TRIM2: variants seen among roughly 807,000 people sequenced by gnomAD.
The protein encoded by TRIM2 is tripartite motif-containing protein 2.
A neutral mutation model predicts 75.2 loss-of-function variants in TRIM2; 20 were observed. That is an observed-to-expected ratio of 0.27 (90% CI 0.19 to 0.39). TRIM2 has a LOEUF of 0.39. Among genes scored for constraint, TRIM2 ranks in the 10% least tolerant of loss-of-function variants. The probability of loss-of-function intolerance (pLI) is 1.00; values close to 1 mark genes in which losing one functional copy is unlikely to be tolerated. For missense variants in TRIM2, 660 were observed against 990.8 expected (o/e 0.67, Z 4.48); for synonymous variants, 373 against 388.3 (o/e 0.96, Z 0.46).
rs147859999 is a variant in TRIM2, at chr4:153,295,907, G to C, written c.1381G>C (p.Val461Leu). ...TGATGTGTCTCCCACCACAGAAGGCGTGAAGAGGCGCGTTAAGTCCCCGGG... is the reference window on the plus strand; with the variant it reads ...TGATGTGTCTCCCACCACAGAAGGCCTGAAGAGGCGCGTTAAGTCCCCGGG... Reference protein sequence around the residue: ...SADVSPTTEGVKRRVKSPGSG... With the variant: ...SADVSPTTEGLKRRVKSPGSG... Residue 461 changes from valine (V) to leucine (L), a missense_variant, in exon 6 of 12, where the codon GTG becomes CTG. Transcript: ENST00000338700. The surrounding 1 kb of genome is among the most constrained non-coding windows in gnomAD (Gnocchi z 7.2). 5.6e-6 allele frequency: 9 copies of C among 1,611,242 alleles called. No homozygotes were observed. The highest frequency in any genetic ancestry group is 7.6e-6 in the Non-Finnish European group (9 of 1,178,774).
intron 2 of TRIM2, among the ~76,000 whole-genome samples, chr4:153,272,880 A>AC (rs551717056): frequency 2.1e-4 from 32 of 152,056 alleles, no homozygotes; most frequent in Middle Eastern, 6.8e-3. Context: ...TTGCTCTGTC[A>AC]CCAGGCTGGA....
chr4:153,326,512 A>G (rs901950153), intron 10 of TRIM2, among the ~76,000 whole-genome samples: 18 of 152,342 alleles, frequency 1.2e-4, no homozygotes, highest in Admixed American at 6.5e-4. Context: ...TGTAAAATGC[A>G]TATCTATAGG....
chr4:153,180,529 G>C (rs989448406), intron 1 of TRIM2, among the ~76,000 whole-genome samples: 1 of 152,016 alleles, frequency 6.6e-6, no homozygotes, highest in Admixed American at 6.5e-5. Context: ...TTGAGACAGA[G>C]TCTTGCTGCG....
chr4:153,183,103 C>T (rs1287311367), intron 1 of TRIM2, among the ~76,000 whole-genome samples: 1 of 152,168 alleles, frequency 6.6e-6, no homozygotes, highest in Non-Finnish European at 1.5e-5. Flanking sequence ...GTGTGTTTAG[C>T]CTCAAAGCCT....
At chr4:153,316,067 C>A in intron 8 of TRIM2, 68 bp downstream of exon 8, 1 of 1,430,476 alleles carries the variant, frequency 7.0e-7, no homozygotes, top group Non-Finnish European at 9.4e-7. Flanking sequence ...AATGAAATTG[C>A]ATATTTCTTT....
intron 2 of TRIM2, among the ~76,000 whole-genome samples, chr4:153,273,915 A>T (rs930761921): frequency 6.6e-6 from 1 of 152,206 alleles, no homozygotes; most frequent in Non-Finnish European, 1.5e-5. Context: ...GTATGTGCAA[A>T]GGTGCTATAG....
chr4:153,337,413 T>A lies in TRIM2; in HGVS notation c.*2447T>A. ...GCTAATTTTTTTTACATGTCAATAT[T>A]GGCACAAACTGGAATGAAAGAATAG... On this transcript the variant is annotated 3_prime_UTR_variant, in exon 12 of 12. Transcript: ENST00000338700. 1.0e-6 allele frequency: 1 copy of A among 985,884 alleles called. No individual in the cohort carries two copies. The highest frequency in any genetic ancestry group is 1.2e-6 in the Non-Finnish European group (1 of 829,938). The allele number at this position is 985,884 out of a possible 1,614,324, so 61.1% of individuals were successfully genotyped here.
At chr4:153,200,007 T>G (rs2149676468), upstream of TRIM2, among the ~76,000 whole-genome samples, 1 of 148,976 alleles carries the variant, frequency 6.7e-6, no homozygotes, top group East Asian at 2.0e-4. Context: ...AGTGGTATGA[T>G]CTTGGCTCAC....
rs913242910 is a variant in TRIM2 at position 153,336,593 on chromosome 4, G to C, written c.*1627G>C. ...GTTTGACATTTTTGATAGTGACTTT[G>C]GGGTCTTCTTCACTGAAAGCACCTT... On this transcript the variant is annotated 3_prime_UTR_variant, in exon 12 of 12. Coordinates refer to ENST00000338700, the MANE Select transcript of TRIM2 (RefSeq NM_015271.5). 1 of 985,734 alleles carries C rather than the reference G, an allele frequency of 1.0e-6. No individual in the cohort carries two copies. The highest frequency in any genetic ancestry group is 6.2e-5 in the Admixed American group (1 of 16,254). The allele number at this position is 985,734 out of a possible 1,614,324, so 61.1% of individuals were successfully genotyped here.
rs1772607785 is a variant in TRIM2, at chr4:153,337,684, T to G, written c.*2718T>G. 5 of 985,870 alleles carry G rather than the reference T, an allele frequency of 5.1e-6. No individual in the cohort carries two copies. Among genetic ancestry groups the G allele is most frequent in the Non-Finnish European group, 6.0e-6 (5 of 829,934 alleles). The allele number at this position is 985,870 out of a possible 1,614,324, so 61.1% of individuals were successfully genotyped here. On this transcript the variant is annotated 3_prime_UTR_variant, in exon 12 of 12. Transcript: ENST00000338700. ...TTTGTCACATTCTATGGAAAATGGTTTCTGGTAAACTGAGAAGGATATTAA... is the reference window on the plus strand; with the variant it reads ...TTTGTCACATTCTATGGAAAATGGTGTCTGGTAAACTGAGAAGGATATTAA...
chr4:153,244,439 T>TTC (rs1560876034), intron 1 of TRIM2, among the ~76,000 whole-genome samples: 3 of 104,210 alleles, frequency 2.9e-5, no homozygotes, highest in African/African-American at 5.4e-5. Context: ...CTTCTTCTTT[T>TTC]AATTAGAGAG....
chr4:153,270,179 C>G lies in TRIM2; in HGVS notation c.31-156C>G, dbSNP rs573123530. On this transcript the variant is annotated intron_variant, in intron 1 of 11. Coordinates refer to ENST00000338700, the MANE Select transcript of TRIM2 (RefSeq NM_015271.5). ...TCTTGACCTCATGATCCGCCCACCT[C>G]GGCCTCCCAAAGTGCTGGGATTACA... Among the ~76,000 whole-genome samples, 28 of 152,286 alleles carry G rather than the reference C, an allele frequency of 1.8e-4. 1 individual carries two copies. The highest frequency in any genetic ancestry group is 5.1e-4 in the African/African-American group (21 of 41,558).
chr4:153,336,180 C>T lies in TRIM2; in HGVS notation c.*1214C>T. On this transcript the variant is annotated 3_prime_UTR_variant, in exon 12 of 12. Transcript: ENST00000338700. ...TGAATCTTTGGTGTATTGAAATAGGCAGCACTCTGAAAGACAGAAGCTTCG... is the reference window on the plus strand; with the variant it reads ...TGAATCTTTGGTGTATTGAAATAGGTAGCACTCTGAAAGACAGAAGCTTCG... 1.0e-6 allele frequency: 1 copy of T among 984,928 alleles called. No individual in the cohort carries two copies. The highest frequency in any genetic ancestry group is 1.1e-4 in the East Asian group (1 of 8,794). The allele number at this position is 984,928 out of a possible 1,614,324, so 61.0% of individuals were successfully genotyped here.
In TRIM2 at chr4:153,162,204, A is replaced by C. The variant is rs981572202; in HGVS notation, c.-49+8934A>C. Among the ~76,000 whole-genome samples the C allele has an allele frequency of 1.1e-4, 16 of 152,330 alleles. 1 individual carries two copies. Among genetic ancestry groups the C allele is most frequent in the African/African-American group, 3.8e-4 (16 of 41,576 alleles). The stretch of plus-strand genomic sequence containing the variant: ...GAGTGTATCAGGGTTCTCCAGAAAA[A>C]CAGAACCAGTGGGAAATATATACAT... On this transcript the variant is annotated intron_variant, in intron 1 of 11. Transcript: ENST00000437508.
intron 1 of TRIM2, among the ~76,000 whole-genome samples, chr4:153,247,791 G>A (rs1467536303): frequency 6.6e-6 from 1 of 151,308 alleles, no homozygotes; most frequent in Non-Finnish European, 1.5e-5. Context: ...AGGTGATGAA[G>A]TGTAGTGTTT....
chr4:153,283,285 G>A (rs780761907), intron 3 of TRIM2, among the ~76,000 whole-genome samples: 24 of 152,110 alleles, frequency 1.6e-4, no homozygotes, highest in African/African-American at 4.3e-4. Flanking sequence ...TGCCACTTAC[G>A]GACATTTGAT....
At chr4:153,241,436 G>A (rs1179645889) in intron 1 of TRIM2, among the ~76,000 whole-genome samples, 1 of 152,214 alleles carries the variant, frequency 6.6e-6, no homozygotes, top group Admixed American at 6.5e-5. Context: ...GTTTGTGGGC[G>A]AGACACCTCT....
intron 1 of TRIM2, among the ~76,000 whole-genome samples, chr4:153,176,368 G>A (rs1457488737): frequency 1.3e-5 from 2 of 151,958 alleles, no homozygotes; most frequent in African/African-American, 4.8e-5. Flanking sequence ...TGGGAGGATT[G>A]TTTGAGTCCA....
At position 153,339,148 on chromosome 4, in the gene TRIM2, A is replaced by G; in HGVS notation, c.*4182A>G. 2.0e-6 allele frequency: 2 copies of G among 985,886 alleles called. No individual in the cohort carries two copies. Among genetic ancestry groups the G allele is most frequent in the Non-Finnish European group, 2.4e-6 (2 of 829,922 alleles). The allele number at this position is 985,886 out of a possible 1,614,324, so 61.1% of individuals were successfully genotyped here. ...AGAAAAGAATGAACGCTGTGCATCA[A>G]AGTGTTTGTATGTTCGTAGCTACAT... On this transcript the variant is annotated 3_prime_UTR_variant, in exon 12 of 12. Transcript: ENST00000338700.
Sources: allele counts gnomAD v4.1 joint callset (sites outside exome capture counted in the v4.1 genomes callset), GRCh38; gene constraint gnomAD v4.1.1; non-coding constraint Gnocchi (gnomAD v3.1); transcripts MANE v1.5; gene names NCBI Gene and HGNC (gene_info 2026-07-23, HGNC 2026-07-21).